Variants in COP1 observed in about 807,000 individuals in gnomAD.
COP1 encodes COP1 E3 ubiquitin ligase.
Under a neutral mutation model 101.3 loss-of-function variants are expected in COP1, and 24 were observed. The ratio of observed to expected loss-of-function variants is 0.24; its 90% CI spans 0.17 to 0.33. COP1 has a LOEUF of 0.33. Among genes scored for constraint, COP1 ranks in the 10% least tolerant of loss-of-function variants. The probability of loss-of-function intolerance (pLI) is 1.00; values close to 1 mark genes in which losing one functional copy is unlikely to be tolerated. For synonymous variants in COP1, 347 were observed against 341.9 expected, an observed-to-expected ratio of 1.01 and a Z score of -0.17; for missense variants, 663 against 906.2, an observed-to-expected ratio of 0.73 and a Z score of 3.45.
intron 5 of COP1, among the ~76,000 whole-genome samples, chr1:176,160,571 A>G (rs1032377262): frequency 2.6e-5 from 4 of 152,162 alleles, no homozygotes; most frequent in African/African-American, 9.6e-5. Flanking sequence ...GAACAAATTT[A>G]CAGGAAAAAA....
intron 2 of COP1, among the ~76,000 whole-genome samples, chr1:176,184,022 A>G (rs376988476): frequency 1.3e-5 from 2 of 152,130 alleles, no homozygotes; most frequent in African/African-American, 4.8e-5. Flanking sequence ...CAATAATATG[A>G]ACATACTTAA....
At chr1:176,027,539 T>A in intron 15 of COP1, 33 bp downstream of exon 15, 1 of 1,259,582 alleles carries the variant, frequency 7.9e-7, no homozygotes, top group South Asian at 1.2e-5. Flanking sequence ...TTAACCAACA[T>A]CAAAGGAAGA....
At chr1:176,089,941 C>A (rs1044936164) in intron 9 of COP1, among the ~76,000 whole-genome samples, 1 of 152,182 alleles carries the variant, frequency 6.6e-6, no homozygotes, top group African/African-American at 2.4e-5. Flanking sequence ...TAACTACACC[C>A]TTCCCCTTCC....
At chr1:176,073,665 A>T (rs1677416746) in intron 11 of COP1, among the ~76,000 whole-genome samples, 2 of 152,222 alleles carry the variant, frequency 1.3e-5, no homozygotes, top group South Asian at 4.1e-4. Context: ...ACTTCACTGT[A>T]TGTCACCAAT....
At chr1:176,026,454 A>G (rs990824043) in intron 15 of COP1, among the ~76,000 whole-genome samples, 3 of 152,136 alleles carry the variant, frequency 2.0e-5, no homozygotes, top group Non-Finnish European at 4.4e-5. Flanking sequence ...AACTTGGGAG[A>G]AAGTTAAAGA....
chr1:175,952,196 C>T (rs1048856711), intron 18 of COP1, among the ~76,000 whole-genome samples: 7 of 151,720 alleles, frequency 4.6e-5, no homozygotes, highest in African/African-American at 1.5e-4. Flanking sequence ...CCATGGCAGG[C>T]GGATCGCCTG....
intron 15 of COP1, among the ~76,000 whole-genome samples, chr1:175,999,150 AATTATT>A (rs373990377): frequency 1.3e-5 from 2 of 152,228 alleles, no homozygotes; most frequent in South Asian, 4.1e-4. Context: ...TGTACAATTA[AATTATT>A]ATTGACTATA....
chr1:176,118,113 T>G (rs1399310018), intron 8 of COP1, among the ~76,000 whole-genome samples: 1 of 152,216 alleles, frequency 6.6e-6, no homozygotes, highest in African/African-American at 2.4e-5. Context: ...GTGAATAACC[T>G]GACTCTGGGC....
At chr1:176,064,492 A>C (rs1226903393) in intron 11 of COP1, among the ~76,000 whole-genome samples, 1 of 152,224 alleles carries the variant, frequency 6.6e-6, no homozygotes, top group East Asian at 1.9e-4. Flanking sequence ...CACTGAACAC[A>C]GTAATGTGAA....
At chr1:175,992,964 C>T (rs960120604) in intron 15 of COP1, among the ~76,000 whole-genome samples, 1 of 152,130 alleles carries the variant, frequency 6.6e-6, no homozygotes, top group Non-Finnish European at 1.5e-5. Flanking sequence ...GACCCCTGAC[C>T]CCCAAGCAGC....
At chr1:176,107,603 G>A (rs556311090) in intron 9 of COP1, among the ~76,000 whole-genome samples, 1 of 152,100 alleles carries the variant, frequency 6.6e-6, no homozygotes, top group East Asian at 1.9e-4. Flanking sequence ...AAATGTGGAA[G>A]ATATAAAAAC....
chr1:175,963,741 C>A (rs1044682780), intron 18 of COP1, among the ~76,000 whole-genome samples: 1 of 152,146 alleles, frequency 6.6e-6, no homozygotes, highest in African/African-American at 2.4e-5. Context: ...CCCCTATCTT[C>A]ATAAAGTATT....
chr1:176,027,205 TTGCC>T (rs1667819920), intron 15 of COP1, among the ~76,000 whole-genome samples: 1 of 152,298 alleles, frequency 6.6e-6, no homozygotes, highest in South Asian at 2.1e-4. Flanking sequence ...AAAGAATAGT[TTGCC>T]TTAAAAAAAG....
intron 15 of COP1, among the ~76,000 whole-genome samples, chr1:175,998,009 A>AACAGTGATAGAC (rs1557879320): frequency 4.0e-5 from 6 of 148,714 alleles, no homozygotes; most frequent in African/African-American, 1.5e-4. Context: ...CCAAAAGTCC[A>AACAGTGATAGAC]TATGTAACTA....
intron 2 of COP1, among the ~76,000 whole-genome samples, chr1:176,180,611 AT>A (rs2101986771): frequency 6.6e-6 from 1 of 152,332 alleles, no homozygotes; most frequent in East Asian, 1.9e-4. Flanking sequence ...CTAATAAAAA[AT>A]GTGTATTTCT....
intron 1 of COP1, among the ~76,000 whole-genome samples, chr1:176,194,126 T>TC (rs954225453): frequency 2.0e-5 from 3 of 150,964 alleles, no homozygotes; most frequent in African/African-American, 4.9e-5. Context: ...AGCAACCACT[T>TC]CCCCCCACCA....
chr1:176,100,140 A>G (rs761898614), intron 9 of COP1: 2 of 156,242 alleles, frequency 1.3e-5, no homozygotes, highest in African/African-American at 2.4e-5. Flanking sequence ...CTGTAATCCT[A>G]GCACTTTGGG....
intron 11 of COP1, among the ~76,000 whole-genome samples, chr1:176,056,069 C>T (rs548719562): frequency 2.7e-4 from 41 of 152,212 alleles, no homozygotes; most frequent in Admixed American, 3.9e-4. Context: ...TTGATCCCAG[C>T]GTTGCCAAAA....
rs7546035 is a variant in COP1 at position 176,108,836 on chromosome 1, T to C, written c.1026+7788A>G. Reference sequence around the variant, plus strand: ...TTTCATTAAAAAGATAAAATTGGCCTGGAGCGGTGGCTCATGCCTCTAATC... The same window carrying C: ...TTTCATTAAAAAGATAAAATTGGCCCGGAGCGGTGGCTCATGCCTCTAATC... On this transcript the variant is annotated intron_variant, in intron 9 of 19. Coordinates refer to ENST00000367669, the MANE Select transcript of COP1 (RefSeq NM_022457.7). Among the ~76,000 whole-genome samples, 1,409 of 152,236 alleles carry C rather than the reference T, an allele frequency of 9.3e-3. 24 individuals carry two copies. Among genetic ancestry groups the C allele is most frequent in the African/African-American group, 0.032 (1,339 of 41,546 alleles).
Sources: gnomAD v4.1 joint callset for allele counts (sites outside exome capture counted in the v4.1 genomes callset) on GRCh38, gnomAD v4.1.1 for gene constraint, MANE v1.5 for transcripts, NCBI Gene and HGNC (gene_info 2026-07-23, HGNC 2026-07-21) for gene names.